Variants in DDI2 observed in about 807,000 individuals in gnomAD.
DDI2 encodes protein DDI1 homolog 2.
In DDI2, 5 loss-of-function variants were observed where a neutral mutation model predicts 48.1. The observed-to-expected ratio is 0.10, with a 90% CI of 0.05 to 0.22. The LOEUF is 0.22. Ranked by LOEUF, DDI2 falls within the 10% of genes least tolerant of loss-of-function variation. The pLI is 1.00. For missense variants in DDI2, 285 were observed against 506.2 expected (o/e 0.56, Z 4.19); for synonymous variants, 205 against 183.6 (o/e 1.12, Z -0.94).
rs985358310 is a variant in DDI2, at chr1:15,652,684, G to A, written c.1183+789G>A. Reference sequence around the variant, plus strand: ...TAAATATACAAAAAATTAGCCGGGCGTAGTGGTAGGCGCCTGTATTCCCAG... The same window carrying A: ...TAAATATACAAAAAATTAGCCGGGCATAGTGGTAGGCGCCTGTATTCCCAG... On this transcript the variant is annotated intron_variant, in intron 8 of 9. Transcript: ENST00000480945. Among the ~76,000 whole-genome samples the A allele has an allele frequency of 4.7e-4, 72 of 152,086 alleles. 1 individual carries two copies. Among genetic ancestry groups the A allele is most frequent in the Middle Eastern group, 3.4e-3 (1 of 292 alleles).
At chr1:15,658,342 G>A (rs1354806872) in intron 9 of DDI2, among the ~76,000 whole-genome samples, 1 of 151,450 alleles carries the variant, frequency 6.6e-6, no homozygotes, top group East Asian at 2.0e-4. Flanking sequence ...TAGAGATGAG[G>A]TTTCACCACG....
rs1396940874 is a variant in DDI2, at chr1:15,626,910, T to G, written c.268+112T>G. 6.8e-6 allele frequency: 9 copies of G among 1,329,686 alleles called. No homozygotes were observed. The African/African-American group carries it at 1.3e-4, about 19-fold the overall frequency. 82.4% of individuals were successfully genotyped at this position (1,329,686 alleles called of 1,614,324 possible). On this transcript the variant is annotated intron_variant, in intron 2 of 9. Transcript: ENST00000480945. ...GATTCAGACTACAGAATACAGATCC[T>G]GACTCTGCCTTTTCCCTGCCGTGTA...
intron 1 of DDI2, among the ~76,000 whole-genome samples, chr1:15,621,543 T>C (rs777152426): frequency 1.3e-5 from 2 of 152,020 alleles, no homozygotes; most frequent in African/African-American, 2.4e-5. Context: ...TGCTACGACA[T>C]ATGACTAATT....
At position 15,667,802 on chromosome 1, in the gene DDI2, A is replaced by G. The variant is rs901363198; in HGVS notation, c.*8012A>G. ...GGTTTACAGTTAGAAAATGTTCTCA[A>G]AGGTTTATCAGTTATGTATTGATGA... On this transcript the variant is annotated 3_prime_UTR_variant, in exon 10 of 10. Transcript: ENST00000480945. The G allele has an allele frequency of 2.0e-5, 3 of 152,340 alleles. No individual in the cohort carries two copies. Among genetic ancestry groups the G allele is most frequent in the Non-Finnish European group, 4.4e-5 (3 of 68,040 alleles). 9.4% of individuals were successfully genotyped at this position (152,340 alleles called of 1,614,324 possible). A position where few individuals can be genotyped will look rare whatever the true frequency, so the allele number is the denominator to read the frequency against.
At position 15,661,474 on chromosome 1, in the gene DDI2, C is replaced by G. The variant is rs775777985; in HGVS notation, c.*1684C>G. 1 of 1,613,860 alleles carries G rather than the reference C, an allele frequency of 6.2e-7. No individual in the cohort carries two copies. Among genetic ancestry groups the G allele is most frequent in the South Asian group, 1.1e-5 (1 of 91,032 alleles). ...CATACAGAATTCAGTAACAGACAGG[C>G]CTGAAACCAGAGAAAATGTCTGTCC... On this transcript the variant is annotated 3_prime_UTR_variant, in exon 10 of 10. Coordinates refer to ENST00000480945, the MANE Select transcript of DDI2 (RefSeq NM_032341.5).
intron 2 of DDI2, among the ~76,000 whole-genome samples, 169 bp from the exon 3 acceptor site, chr1:15,630,156 C>T (rs1269683908): frequency 2.6e-5 from 4 of 152,142 alleles, no homozygotes; most frequent in Admixed American, 2.0e-4. Flanking sequence ...GATTCACTCT[C>T]AGCCGGCAGT....
rs548605235 is a variant in DDI2, at chr1:15,632,489, C to T, written c.506-950C>T. ...TGGAGGTTGTAGTGAGCCAAGATTG[C>T]GCCATTGCTCCCCAGCCTGGGCAAC... On this transcript the variant is annotated intron_variant, in intron 3 of 9. Coordinates refer to ENST00000480945, the MANE Select transcript of DDI2 (RefSeq NM_032341.5). Among the ~76,000 whole-genome samples the T allele has an allele frequency of 3.3e-5, 5 of 152,028 alleles. No individual in the cohort carries two copies. The East Asian group carries it at 7.8e-4, about 24-fold the overall frequency.
chr1:15,630,963 C>T (rs1639834700), intron 3 of DDI2, among the ~76,000 whole-genome samples: 2 of 152,194 alleles, frequency 1.3e-5, no homozygotes, highest in African/African-American at 4.8e-5. Context: ...CCTGCCTCAG[C>T]CTCCCAAGTA....
Position 15,643,721 on chromosome 1 carries a change from T to C in DDI2, c.889+71T>C, listed in dbSNP as rs1570981018. On this transcript the variant is annotated intron_variant, in intron 6 of 9. Transcript: ENST00000480945. ...GTAGGTAGGGTAGTCGATTTTCAAG[T>C]TTTTAGAGGGTCTTTTGTTGTTATT... The C allele has an allele frequency of 1.2e-5, 19 of 1,560,738 alleles. No homozygotes were observed. The East Asian group carries it at 4.2e-4, about 34-fold the overall frequency.
In DDI2 at chr1:15,660,248, C is replaced by G. The variant is rs1640344531; in HGVS notation, c.*458C>G. 1 of 1,614,034 alleles carries G rather than the reference C, an allele frequency of 6.2e-7. No individual in the cohort carries two copies. ...CAGGGCCTCAAATTTCATCTCCATA[C>G]AAGACAGGAAGCTAGTTTATCTGTC... On this transcript the variant is annotated 3_prime_UTR_variant, in exon 10 of 10. Transcript: ENST00000480945.
intron 5 of DDI2, among the ~76,000 whole-genome samples, chr1:15,639,906 G>A (rs976734963): frequency 1.3e-5 from 2 of 152,052 alleles, no homozygotes; most frequent in African/African-American, 4.8e-5. Flanking sequence ...TACGGGGGAG[G>A]CTGAGGTGGG....
intron 2 of DDI2, among the ~76,000 whole-genome samples, chr1:15,629,464 G>T (rs1465513014): frequency 6.6e-6 from 1 of 151,848 alleles, no homozygotes; most frequent in Non-Finnish European, 1.5e-5. Context: ...GGGCGTAGTG[G>T]CACACGCCTG....
Position 15,660,639 on chromosome 1 carries a change from C to G in DDI2, c.*849C>G, listed in dbSNP as rs759869615. The G allele has an allele frequency of 6.2e-7, 1 of 1,613,978 alleles. No individual in the cohort carries two copies. The highest frequency in any genetic ancestry group is 8.5e-7 in the Non-Finnish European group (1 of 1,180,036). On this transcript the variant is annotated 3_prime_UTR_variant, in exon 10 of 10. Transcript: ENST00000480945. ...TGGAAATCGATACAGCTCAACAGTCCCTAGTTACTTTGCTTAATTCAACAG... is the reference window on the plus strand; with the variant it reads ...TGGAAATCGATACAGCTCAACAGTCGCTAGTTACTTTGCTTAATTCAACAG...
intron 6 of DDI2, among the ~76,000 whole-genome samples, chr1:15,647,144 T>G (rs1026823825): frequency 2.0e-5 from 3 of 151,908 alleles, no homozygotes; most frequent in Non-Finnish European, 2.9e-5. Context: ...TTGTTTCTTT[T>G]TTTCTTTTTC....
rs1196334492 is a variant in DDI2 at position 15,665,971 on chromosome 1, C to G, written c.*6181C>G. 1 of 148,006 alleles carries G rather than the reference C, an allele frequency of 6.8e-6. No homozygotes were observed. Among genetic ancestry groups the G allele is most frequent in the Non-Finnish European group, 1.5e-5 (1 of 65,948 alleles). The allele number at this position is 148,006 out of a possible 1,614,324, so 9.2% of individuals were successfully genotyped here. A position where few individuals can be genotyped will look rare whatever the true frequency, so the allele number is the denominator to read the frequency against. On this transcript the variant is annotated 3_prime_UTR_variant, in exon 10 of 10. Coordinates refer to ENST00000480945, the MANE Select transcript of DDI2 (RefSeq NM_032341.5). Reference sequence around the variant, plus strand: ...CAAATTTCCCCTTTGGAGTTGGTGACTTAGTGTAGTCTGTGGCTGACCTAG... The same window carrying G: ...CAAATTTCCCCTTTGGAGTTGGTGAGTTAGTGTAGTCTGTGGCTGACCTAG...
chr1:15,662,828 G>C lies in DDI2; in HGVS notation c.*3038G>C, dbSNP rs976651736. 2.6e-5 allele frequency: 4 copies of C among 152,218 alleles called. No homozygotes were observed. Among genetic ancestry groups the C allele is most frequent in the African/African-American group, 9.7e-5 (4 of 41,448 alleles). 9.4% of individuals were successfully genotyped at this position (152,218 alleles called of 1,614,324 possible). A position where few individuals can be genotyped will look rare whatever the true frequency, so the allele number is the denominator to read the frequency against. ...TGTGGCAGTGGAAATAGTAATTACA[G>C]TTTCTGACTTAAGTGGCCTTGGTAG... On this transcript the variant is annotated 3_prime_UTR_variant, in exon 10 of 10. Coordinates refer to ENST00000480945, the MANE Select transcript of DDI2 (RefSeq NM_032341.5).
At chr1:15,656,954 C>T (rs1339040155) in intron 9 of DDI2, 1 of 296,606 alleles carries the variant, frequency 3.4e-6, no homozygotes, top group East Asian at 7.2e-5. Flanking sequence ...ATCTTGGCTA[C>T]TATAAATATC....
intron 4 of DDI2, among the ~76,000 whole-genome samples, chr1:15,636,233 A>C (rs1415908678): frequency 6.6e-6 from 1 of 151,924 alleles, no homozygotes; most frequent in African/African-American, 2.4e-5. Flanking sequence ...GGCTCAGGTG[A>C]TCCTCCCCCA....
chr1:15,635,374 G>C (rs1489687283), intron 4 of DDI2, among the ~76,000 whole-genome samples: 2 of 152,148 alleles, frequency 1.3e-5, no homozygotes, highest in Non-Finnish European at 2.9e-5. Flanking sequence ...TCTAGGGCTT[G>C]AATGAAGGAA....
Sources: allele counts gnomAD v4.1 joint callset (sites outside exome capture counted in the v4.1 genomes callset), GRCh38; gene constraint gnomAD v4.1.1; transcripts MANE v1.5; gene names NCBI Gene and HGNC (gene_info 2026-07-23, HGNC 2026-07-21).